Variants in SGIP1 observed in about 807,000 individuals in gnomAD.
SGIP1 encodes SH3-containing GRB2-like protein 3-interacting protein 1.
In SGIP1, 38 loss-of-function variants were observed where a neutral mutation model predicts 107.5. That is an observed-to-expected ratio of 0.35 (90% CI 0.27 to 0.46). The LOEUF is 0.46. Among genes scored for constraint, SGIP1 ranks in the 20% least tolerant of loss-of-function variants. The pLI is 1.00. For missense variants in SGIP1, 929 were observed against 1,019.5 expected, an observed-to-expected ratio of 0.91 and a Z score of 1.21; for synonymous variants, 365 against 366.1, an observed-to-expected ratio of 1.00 and a Z score of 0.03.
At chr1:66,535,137 A>T (rs2053296376) in intron 1 of SGIP1, among the ~76,000 whole-genome samples, 1 of 152,202 alleles carries the variant, frequency 6.6e-6, no homozygotes, top group Non-Finnish European at 1.5e-5. Flanking sequence ...TGCTATTTAA[A>T]CTATATTTTA....
At chr1:66,567,089 A>G (rs571651054) in intron 1 of SGIP1, among the ~76,000 whole-genome samples, 3 of 152,072 alleles carry the variant, frequency 2.0e-5, no homozygotes, top group Non-Finnish European at 4.4e-5. Flanking sequence ...TACATACCAC[A>G]TTTTCTTTAT....
chr1:66,722,385 T>C (rs772747247), intron 19 of SGIP1, among the ~76,000 whole-genome samples: 50 of 152,200 alleles, frequency 3.3e-4, no homozygotes, highest in Admixed American at 1.8e-3. Context: ...CTCTCTAACA[T>C]CTTTTATGTT....
upstream of SGIP1, among the ~76,000 whole-genome samples, chr1:66,533,941 G>A: frequency 6.6e-6 from 1 of 151,704 alleles, no homozygotes; most frequent in East Asian, 2.0e-4. Flanking sequence ...TCACCAGGTG[G>A]GGAAGGGGCT....
intron 1 of SGIP1, among the ~76,000 whole-genome samples, chr1:66,591,530 C>T (rs1367589502): frequency 1.3e-5 from 2 of 152,190 alleles, no homozygotes; most frequent in Non-Finnish European, 2.9e-5. Context: ...CCTACACATG[C>T]ACAGCCTCCC....
At chr1:66,714,192 T>C (rs963365005) in intron 18 of SGIP1, among the ~76,000 whole-genome samples, 3 of 152,178 alleles carry the variant, frequency 2.0e-5, no homozygotes, top group Admixed American at 6.5e-5. Context: ...ACATTGATAC[T>C]ATCTTTATAC....
intron 1 of SGIP1, among the ~76,000 whole-genome samples, chr1:66,593,387 C>T (rs1015836513): frequency 3.9e-5 from 6 of 152,168 alleles, no homozygotes; most frequent in African/African-American, 1.4e-4. Flanking sequence ...TCCAAAGTGG[C>T]TGTACCACTT....
At chr1:66,613,610 G>A (rs1039582978) in intron 1 of SGIP1, among the ~76,000 whole-genome samples, 9 of 152,192 alleles carry the variant, frequency 5.9e-5, no homozygotes, top group South Asian at 4.1e-4. Flanking sequence ...GATTACAGGC[G>A]TGAGCCACCT....
rs777313692 is a variant in SGIP1, at chr1:66,671,015, A to T, written c.504A>T (p.Leu168Phe). The T allele has an allele frequency of 1.2e-5, 17 of 1,396,450 alleles. No individual in the cohort carries two copies. In the Admixed American group the frequency reaches 2.5e-4, roughly 20 times the overall value. 86.5% of individuals were successfully genotyped at this position (1,396,450 alleles called of 1,614,324 possible). Residue 168 changes from leucine to phenylalanine, a missense_variant, in exon 10 of 25, where the codon TTA becomes TTT. Leu to Phe is a conservative substitution (Grantham distance 22, BLOSUM62 0). Coordinates refer to ENST00000371037, the MANE Select transcript of SGIP1 (RefSeq NM_032291.4). The part of the protein sequence containing the change: ...RRSPGAIKRN[L>F]SSEEVARPRR... ...TCTAGGGTGCAATTAAAAGGAACTT[A>T]TCCAGTAAGTATATCTTAGCTACCA...
rs535951927 is a variant in SGIP1 at position 66,677,167 on chromosome 1, A to C, written c.739+71A>C. The C allele has an allele frequency of 2.1e-5, 26 of 1,228,310 alleles. No individual in the cohort carries two copies. In the East Asian group the frequency reaches 5.8e-4, roughly 27 times the overall value. The allele number at this position is 1,228,310 out of a possible 1,614,324, so 76.1% of individuals were successfully genotyped here. A position where few individuals can be genotyped will look rare whatever the true frequency, so the allele number is the denominator to read the frequency against. On this transcript the variant is annotated intron_variant, in intron 13 of 24. Transcript: ENST00000371037. ...TAGTGTCTGTCTGCATAGTGAAATT[A>C]GGCAACTCTTAAAAAGTCTATGTAA...
At chr1:66,561,321 A>G (rs1302240139) in intron 1 of SGIP1, among the ~76,000 whole-genome samples, 2 of 152,014 alleles carry the variant, frequency 1.3e-5, no homozygotes, top group African/African-American at 4.8e-5. Flanking sequence ...ACTTTATGCT[A>G]CTTTTGATAT....
At chr1:66,703,869 G>T (rs940812832) in intron 18 of SGIP1, among the ~76,000 whole-genome samples, 5 of 146,694 alleles carry the variant, frequency 3.4e-5, no homozygotes, top group Non-Finnish European at 6.0e-5. Context: ...AAGAGAAAAA[G>T]AACTCTGTGT....
intron 1 of SGIP1, among the ~76,000 whole-genome samples, chr1:66,610,113 G>T (rs2067666174): frequency 6.6e-6 from 1 of 152,074 alleles, no homozygotes; most frequent in Non-Finnish European, 1.5e-5. Context: ...ATGCTATTCA[G>T]CCAAATAGGG....
At chr1:66,591,802 G>T (rs2063684258) in intron 1 of SGIP1, among the ~76,000 whole-genome samples, 1 of 152,194 alleles carries the variant, frequency 6.6e-6, no homozygotes, top group Admixed American at 6.5e-5. Context: ...ATAGGGTAAT[G>T]GTGGGGAGAC....
At chr1:66,688,659 G>C (rs1456218542) in intron 15 of SGIP1, among the ~76,000 whole-genome samples, 1 of 152,140 alleles carries the variant, frequency 6.6e-6, no homozygotes, top group East Asian at 1.9e-4. Context: ...CTCATAGCTT[G>C]ACCACAGTCA....
intron 19 of SGIP1, among the ~76,000 whole-genome samples, chr1:66,728,560 T>C (rs181561739): frequency 3.0e-4 from 45 of 152,246 alleles, no homozygotes; most frequent in Non-Finnish European, 1.6e-4. Flanking sequence ...CTCAAAGAAC[T>C]AAAAACAGAA....
chr1:66,643,755 A>G, intron 7 of SGIP1, 36 bp downstream of exon 7: 1 of 1,556,796 alleles, frequency 6.4e-7, no homozygotes, highest in South Asian at 1.2e-5. Context: ...AGCTTTAGTG[A>G]GATTGAACAG....
intron 9 of SGIP1, among the ~76,000 whole-genome samples, chr1:66,670,706 C>A (rs1044431892): frequency 4.6e-5 from 7 of 152,042 alleles, no homozygotes; most frequent in African/African-American, 1.4e-4. Context: ...TTTTAATGGA[C>A]TAATCAATAT....
At chr1:66,673,429 T>C in intron 12 of SGIP1, 63 bp downstream of exon 12, 2 of 1,380,518 alleles carry the variant, frequency 1.4e-6, no homozygotes, top group Non-Finnish European at 2.0e-6. Context: ...ACAACTCTTC[T>C]AGATTAAATG....
In SGIP1 at chr1:66,744,627, T is replaced by G. The variant is rs920872371; in HGVS notation, c.*1532T>G. 2 of 152,094 alleles carry G rather than the reference T, an allele frequency of 1.3e-5. No homozygotes were observed. Among genetic ancestry groups the G allele is most frequent in the Non-Finnish European group, 2.9e-5 (2 of 67,936 alleles). 9.4% of individuals were successfully genotyped at this position (152,094 alleles called of 1,614,324 possible). On this transcript the variant is annotated 3_prime_UTR_variant, in exon 25 of 25. Transcript: ENST00000371037. Reference sequence around the variant, plus strand: ...AAAGAATCTTTAGCCCCTTTAAATTTTAGAATTAAATTAAATTTTTAAAGT... The same window carrying G: ...AAAGAATCTTTAGCCCCTTTAAATTGTAGAATTAAATTAAATTTTTAAAGT...
Sources: allele counts gnomAD v4.1 joint callset (sites outside exome capture counted in the v4.1 genomes callset), GRCh38; gene constraint gnomAD v4.1.1; transcripts MANE v1.5; gene names NCBI Gene and HGNC (gene_info 2026-07-23, HGNC 2026-07-21).